Variants in FRA10AC1 observed in about 807,000 individuals in gnomAD.
FRA10AC1 encodes protein FRA10AC1.
Under a neutral mutation model 56.5 loss-of-function variants are expected in FRA10AC1, and 43 were observed. That is an observed-to-expected ratio of 0.76 (90% CI 0.60 to 0.98). The LOEUF is 0.98. FRA10AC1 is among the 50% of genes least tolerant of loss of function. The probability of loss-of-function intolerance (pLI) is 0.00; values close to 1 mark genes in which losing one functional copy is unlikely to be tolerated. For missense variants in FRA10AC1, 346 were observed against 351.8 expected, an observed-to-expected ratio of 0.98 and a Z score of 0.13; for synonymous variants, 112 against 110.5, an observed-to-expected ratio of 1.01 and a Z score of -0.09.
chr10:93,694,795 T>C, intron 5 of FRA10AC1, 66 bp downstream of exon 5: 4 of 754,162 alleles, frequency 5.3e-6, no homozygotes, highest in Non-Finnish European at 9.2e-6. Context: ...GAAGGCACAG[T>C]AGCTGTGGGT....
At chr10:93,676,858 A>C (rs1474941693) in intron 11 of FRA10AC1, among the ~76,000 whole-genome samples, 167 bp from the exon 12 acceptor site, 1 of 152,152 alleles carries the variant, frequency 6.6e-6, no homozygotes, top group African/African-American at 2.4e-5. Flanking sequence ...TCCCTCATTA[A>C]AATGTTACGT....
chr10:93,694,166 T>C (rs1269634212), intron 5 of FRA10AC1, among the ~76,000 whole-genome samples: 2 of 152,324 alleles, frequency 1.3e-5, no homozygotes, highest in Non-Finnish European at 2.9e-5. Context: ...AGGACTTTGA[T>C]GTGCAAGAAA....
intron 5 of FRA10AC1, among the ~76,000 whole-genome samples, chr10:93,693,620 A>G (rs1026721748): frequency 2.1e-5 from 3 of 144,530 alleles, no homozygotes; most frequent in Non-Finnish European, 4.5e-5. Flanking sequence ...CACCATATAT[A>G]TATACACACC....
chr10:93,690,017 A>G (rs2059100309), intron 7 of FRA10AC1, among the ~76,000 whole-genome samples: 1 of 152,230 alleles, frequency 6.6e-6, no homozygotes, highest in South Asian at 2.1e-4. Context: ...GAAATGCAAT[A>G]AAGAAAGGAA....
At chr10:93,695,733 GA>G (rs1025185850) in intron 4 of FRA10AC1, among the ~76,000 whole-genome samples, 150 of 140,416 alleles carry the variant, frequency 1.1e-3, no homozygotes, top group Admixed American at 1.8e-3. Context: ...AATATTTCAG[GA>G]AAAAAAAAAA....
intron 12 of FRA10AC1, chr10:93,675,285 T>G (rs993776061): frequency 1.3e-5 from 2 of 152,220 alleles, no homozygotes; most frequent in Non-Finnish European, 2.9e-5. Flanking sequence ...AGAATTATAC[T>G]AAATGCAAAT....
At chr10:93,697,564 CCAG>C (rs1441566695) in intron 4 of FRA10AC1, among the ~76,000 whole-genome samples, 1 of 152,088 alleles carries the variant, frequency 6.6e-6, no homozygotes, top group Non-Finnish European at 1.5e-5. Flanking sequence ...GTGTCATCAG[CCAG>C]TCTTATTAAA....
rs2059356911 is a variant in FRA10AC1 at position 93,702,522 on chromosome 10, A to ACAGCCGCCGCCGCCGCCG, written c.-149_-148insCGGCGGCGGCGGCGGCTG. 1 of 211,550 alleles carries ACAGCCGCCGCCGCCGCCG rather than the reference A, an allele frequency of 4.7e-6. No individual in the cohort carries two copies. Among genetic ancestry groups the ACAGCCGCCGCCGCCGCCG allele is most frequent in the Non-Finnish European group, 9.3e-6 (1 of 107,802 alleles). The allele number at this position is 211,550 out of a possible 1,614,324, so 13.1% of individuals were successfully genotyped here. On this transcript the variant is annotated 5_prime_UTR_variant, in exon 1 of 14. Coordinates refer to ENST00000359204, the MANE Select transcript of FRA10AC1 (RefSeq NM_145246.5). ...GCCGCACAGCCTCGCCACAACCACCACCGCCGCCGCCGCCGCCGCCGCCGC... is the reference window on the plus strand; with the variant it reads ...GCCGCACAGCCTCGCCACAACCACCACAGCCGCCGCCGCCGCCGCCGCCGCCGCCGCCGCCGCCGCCGC...
At chr10:93,687,978 ATAG>A (rs2059061068) in intron 7 of FRA10AC1, 1 of 152,174 alleles carries the variant, frequency 6.6e-6, no homozygotes, top group Non-Finnish European at 1.5e-5. Flanking sequence ...AACACTTAGA[ATAG>A]TAACTAGTAT....
At position 93,692,100 on chromosome 10, in the gene FRA10AC1, C is replaced by A; in HGVS notation, c.381-7G>T. ...CTTAGCAAGTCTCTTCTCCCTAGAC[C>A]CATGAAAATATAAATATTATACATT... On this transcript the variant is annotated splice_region_variant and splice_polypyrimidine_tract_variant and intron_variant, in intron 6 of 13. Transcript: ENST00000359204. 1 of 1,478,140 alleles carries A rather than the reference C, an allele frequency of 6.8e-7. No individual in the cohort carries two copies. Among genetic ancestry groups the A allele is most frequent in the Non-Finnish European group, 8.9e-7 (1 of 1,117,604 alleles). The allele number at this position is 1,478,140 out of a possible 1,614,324, so 91.6% of individuals were successfully genotyped here. A position where few individuals can be genotyped will look rare whatever the true frequency, so the allele number is the denominator to read the frequency against.
intron 12 of FRA10AC1, chr10:93,672,942 A>C (rs1419383835): frequency 6.1e-6 from 1 of 164,310 alleles, no homozygotes; most frequent in African/African-American, 2.4e-5. Flanking sequence ...GCAACACAAA[A>C]GAATGCATCA....
intron 10 of FRA10AC1, 107 bp from the exon 11 acceptor site, chr10:93,681,705 T>A (rs2058938480): frequency 3.9e-6 from 4 of 1,016,776 alleles, no homozygotes; most frequent in Middle Eastern, 3.3e-4. Flanking sequence ...ACTTATTTTT[T>A]AAATGTGATT....
rs1288115553 is a variant in FRA10AC1 at position 93,687,717 on chromosome 10, A to G, written c.466-268T>C. 3.0e-5 allele frequency: 8 copies of G among 270,886 alleles called. No individual in the cohort carries two copies. In the East Asian group the frequency reaches 4.1e-4, roughly 14 times the overall value. 16.8% of individuals were successfully genotyped at this position (270,886 alleles called of 1,614,324 possible). A position where few individuals can be genotyped will look rare whatever the true frequency, so the allele number is the denominator to read the frequency against. On this transcript the variant is annotated intron_variant, in intron 7 of 13. Transcript: ENST00000359204. ...AACAAATAATATATCCTGTTCTGTA[A>G]GACTGACAAGAAAAAAAGAGGTTAT...
Position 93,669,292 on chromosome 10 carries a change from G to A in FRA10AC1, c.*534C>T, listed in dbSNP as rs180743208. 47 of 152,298 alleles carry A rather than the reference G, an allele frequency of 3.1e-4. No homozygotes were observed. The highest frequency in any genetic ancestry group is 1.1e-3 in the African/African-American group (46 of 41,524). 9.4% of individuals were successfully genotyped at this position (152,298 alleles called of 1,614,324 possible). A position where few individuals can be genotyped will look rare whatever the true frequency, so the allele number is the denominator to read the frequency against. On this transcript the variant is annotated 3_prime_UTR_variant, in exon 14 of 14. Coordinates refer to ENST00000359204, the MANE Select transcript of FRA10AC1 (RefSeq NM_145246.5). Reference sequence around the variant, plus strand: ...TCCTAGTAATTTAAAATAATTGGCAGAGCATGGTGGCTCACACCTGTAATC... The same window carrying A: ...TCCTAGTAATTTAAAATAATTGGCAAAGCATGGTGGCTCACACCTGTAATC...
rs1266278398 is a variant in FRA10AC1 at position 93,668,497 on chromosome 10, A to G, written c.*1329T>C. The G allele has an allele frequency of 6.6e-6, 1 of 152,270 alleles. No individual in the cohort carries two copies. Among genetic ancestry groups the G allele is most frequent in the East Asian group, 1.9e-4 (1 of 5,212 alleles). 9.4% of individuals were successfully genotyped at this position (152,270 alleles called of 1,614,324 possible). A position where few individuals can be genotyped will look rare whatever the true frequency, so the allele number is the denominator to read the frequency against. ...TTGCGACTAGGACCTTATGTTAAGAAGTTACATTTTATATTTCTGCATAGA... is the reference window on the plus strand; with the variant it reads ...TTGCGACTAGGACCTTATGTTAAGAGGTTACATTTTATATTTCTGCATAGA... On this transcript the variant is annotated 3_prime_UTR_variant, in exon 14 of 14. Coordinates refer to ENST00000359204, the MANE Select transcript of FRA10AC1 (RefSeq NM_145246.5).
At chr10:93,678,914 T>C (rs1017695241) in intron 11 of FRA10AC1, among the ~76,000 whole-genome samples, 2 of 151,176 alleles carry the variant, frequency 1.3e-5, no homozygotes, top group African/African-American at 4.9e-5. Flanking sequence ...TTAAAGGAAG[T>C]TGTCAACAGT....
intron 1 of FRA10AC1, among the ~76,000 whole-genome samples, chr10:93,700,853 GGA>G (rs1309197344): frequency 2.0e-5 from 3 of 151,920 alleles, no homozygotes; most frequent in Non-Finnish European, 4.4e-5. Flanking sequence ...AGTTATTTTT[GGA>G]GAGTCTCGCT....
chr10:93,696,001 T>C (rs2059227930), intron 4 of FRA10AC1, among the ~76,000 whole-genome samples: 1 of 152,214 alleles, frequency 6.6e-6, no homozygotes, highest in African/African-American at 2.4e-5. Flanking sequence ...TATTCCAATA[T>C]AATTTTATGT....
chr10:93,694,734 A>AGG, intron 5 of FRA10AC1, 127 bp downstream of exon 5: 1 of 469,726 alleles, frequency 2.1e-6, no homozygotes. Flanking sequence ...AAAAAAAAAA[A>AGG]AAAAAAAAAA....
Sources: gnomAD v4.1 joint callset for allele counts (sites outside exome capture counted in the v4.1 genomes callset) on GRCh38, gnomAD v4.1.1 for gene constraint, MANE v1.5 for transcripts, NCBI Gene and HGNC (gene_info 2026-07-23, HGNC 2026-07-21) for gene names.